RORA: variants seen among roughly 807,000 people sequenced by gnomAD.
RORA encodes the protein nuclear receptor ROR-alpha.
In RORA, 7 loss-of-function variants were observed where a neutral mutation model predicts 69.5. The observed-to-expected ratio is 0.10, with a 90% CI of 0.06 to 0.19. The LOEUF (loss-of-function observed/expected upper bound fraction) is 0.19. Ranked by LOEUF, RORA falls within the 10% of genes least tolerant of loss-of-function variation. The pLI is 1.00. For synonymous variants in RORA, 261 were observed against 240.8 expected (o/e 1.08, Z -0.78); for missense variants, 457 against 663.0 (o/e 0.69, Z 3.41).
intron 1 of RORA, among the ~76,000 whole-genome samples, chr15:61,077,742 C>T (rs983124388): frequency 6.6e-6 from 1 of 152,238 alleles, no homozygotes; most frequent in South Asian, 2.1e-4. Context: ...AAAACTAATG[C>T]CCATAATTCT....
chr15:60,703,805 T>C (rs760089003), intron 1 of RORA, among the ~76,000 whole-genome samples: 2 of 151,562 alleles, frequency 1.3e-5, no homozygotes, highest in Non-Finnish European at 2.9e-5. Flanking sequence ...GCCAGATACC[T>C]CATCTTTGCA....
intron 2 of RORA, among the ~76,000 whole-genome samples, chr15:60,575,873 C>A (rs2068010069): frequency 6.6e-6 from 1 of 152,226 alleles, no homozygotes; most frequent in Admixed American, 6.5e-5. Flanking sequence ...ACTTCTGTTT[C>A]CCAAATTGGA....
chr15:61,181,680 CAAAAAAAAAA>C (rs749054081), intron 1 of RORA, among the ~76,000 whole-genome samples: 1 of 57,764 alleles, frequency 1.7e-5, no homozygotes, highest in African/African-American at 6.4e-5. Context: ...TTAGCTTTGG[CAAAAAAAAAA>C]AAAAAAAAAA....
At chr15:60,824,143 G>C (rs149639899) in intron 1 of RORA, among the ~76,000 whole-genome samples, 43 of 152,306 alleles carry the variant, frequency 2.8e-4, no homozygotes, top group African/African-American at 1.0e-3. Flanking sequence ...GAGTTCCAAG[G>C]AAGAGATCTG....
intron 1 of RORA, among the ~76,000 whole-genome samples, chr15:61,192,422 C>T (rs2079809156): frequency 1.3e-5 from 2 of 152,160 alleles, no homozygotes; most frequent in South Asian, 2.1e-4. Context: ...ACAATATCTA[C>T]CATCCGCACC....
At chr15:61,225,585 T>C (rs1338808439) in intron 1 of RORA, among the ~76,000 whole-genome samples, 1 of 152,188 alleles carries the variant, frequency 6.6e-6, no homozygotes, top group Non-Finnish European at 1.5e-5. Flanking sequence ...ATCCCATCTT[T>C]TGGTTTCGAT....
intron 1 of RORA, among the ~76,000 whole-genome samples, chr15:60,713,614 A>G (rs1334806708): frequency 6.6e-6 from 1 of 152,168 alleles, no homozygotes; most frequent in East Asian, 1.9e-4. Context: ...GCCCTTAGGA[A>G]TATTCCCACA....
intron 1 of RORA, among the ~76,000 whole-genome samples, chr15:61,201,259 C>T (rs1043148123): frequency 4.6e-5 from 7 of 152,184 alleles, no homozygotes; most frequent in Non-Finnish European, 8.8e-5. Context: ...TGCTGGCACA[C>T]CCATGAACCT....
intron 1 of RORA, among the ~76,000 whole-genome samples, chr15:61,012,607 A>G (rs1323435070): frequency 6.6e-6 from 1 of 152,140 alleles, no homozygotes; most frequent in Non-Finnish European, 1.5e-5. Context: ...TTGATCAAAT[A>G]TCCTTTCTCA....
intron 1 of RORA, among the ~76,000 whole-genome samples, chr15:60,831,733 G>A (rs1044527432): frequency 2.0e-5 from 3 of 152,070 alleles, no homozygotes; most frequent in Non-Finnish European, 2.9e-5. Context: ...AAACCATTCC[G>A]GTGACCTACT....
chr15:60,628,261 A>C (rs1261991637), intron 2 of RORA, among the ~76,000 whole-genome samples: 1 of 152,074 alleles, frequency 6.6e-6, no homozygotes, highest in Non-Finnish European at 1.5e-5. Flanking sequence ...CTTGTTTTTG[A>C]TGATCTTGCC....
intron 1 of RORA, among the ~76,000 whole-genome samples, chr15:60,857,698 C>A (rs1265692840): frequency 6.6e-6 from 1 of 152,300 alleles, no homozygotes; most frequent in East Asian, 1.9e-4. Flanking sequence ...AGCCGTGTAA[C>A]CAACTCCAGA....
chr15:61,032,203 T>C (rs1042486698), intron 1 of RORA, among the ~76,000 whole-genome samples: 1 of 152,208 alleles, frequency 6.6e-6, no homozygotes, highest in Non-Finnish European at 1.5e-5. Context: ...CCAAGTAGCT[T>C]ACATCACATT....
At chr15:60,990,102 T>C (rs959473020) in intron 1 of RORA, among the ~76,000 whole-genome samples, 19 of 152,254 alleles carry the variant, frequency 1.2e-4, no homozygotes, top group African/African-American at 4.3e-4. Context: ...CTGAGCTTTT[T>C]GTTTCCCAGG....
chr15:60,592,854 G>A (rs2068576513), intron 2 of RORA: 1 of 473,964 alleles, frequency 2.1e-6, no homozygotes, highest in Non-Finnish European at 4.1e-6. Context: ...CGCGGAACGC[G>A]CCTCTGACCA....
chr15:61,190,576 C>T (rs1050356803), intron 1 of RORA, among the ~76,000 whole-genome samples: 3 of 152,074 alleles, frequency 2.0e-5, no homozygotes, highest in African/African-American at 4.8e-5. Flanking sequence ...GCCTGGGCAA[C>T]ATTGCGAAAC....
At chr15:60,876,956 G>A (rs749863549) in intron 1 of RORA, among the ~76,000 whole-genome samples, 6 of 152,160 alleles carry the variant, frequency 3.9e-5, no homozygotes, top group East Asian at 1.9e-4. Context: ...CCTTTCAGAC[G>A]GTGGAGGGTG....
intron 1 of RORA, among the ~76,000 whole-genome samples, chr15:60,715,672 C>G (rs1459269622): frequency 5.3e-5 from 8 of 152,206 alleles, no homozygotes; most frequent in African/African-American, 1.7e-4. Context: ...GCTTTCCAAA[C>G]AGTGCCCAAC....
intron 1 of RORA, among the ~76,000 whole-genome samples, chr15:61,120,107 T>G (rs923466827): frequency 1.8e-4 from 28 of 152,216 alleles, no homozygotes; most frequent in African/African-American, 6.8e-4. Context: ...TTCTCAGCCC[T>G]GGCTGCCCAT....
Sources: allele counts gnomAD v4.1 joint callset (sites outside exome capture counted in the v4.1 genomes callset), GRCh38; gene constraint gnomAD v4.1.1; transcripts MANE v1.5; gene names NCBI Gene and HGNC (gene_info 2026-07-23, HGNC 2026-07-21).